The following NEK10 variants were observed in gnomAD, a reference collection of about 807,000 sequenced individuals.
NEK10 encodes the protein serine/threonine-protein kinase Nek10.
NEK10 carries 122 observed loss-of-function variants against 159.8 expected under a neutral mutation model. The ratio of observed to expected loss-of-function variants is 0.76; its 90% CI spans 0.66 to 0.89. The LOEUF is 0.89. Among genes scored for constraint, NEK10 ranks in the 40% least tolerant of loss-of-function variants. The pLI, the probability that NEK10 is intolerant of heterozygous loss-of-function variation, is 0.00. For missense variants in NEK10, 1,342 were observed against 1,323.1 expected, an observed-to-expected ratio of 1.01 and a Z score of -0.22; for synonymous variants, 466 against 457.1, an observed-to-expected ratio of 1.02 and a Z score of -0.25.
At position 27,304,853 on chromosome 3, in the gene NEK10, G is replaced by C. The variant is rs954429094; in HGVS notation, c.922C>G (p.Leu308Val). 8.7e-6 allele frequency: 14 copies of C among 1,613,602 alleles called. No homozygotes were observed. Among genetic ancestry groups the C allele is most frequent in the Middle Eastern group, 1.6e-4 (1 of 6,082 alleles). Residue 308 changes from leucine to valine, a missense_variant, in exon 12 of 36, where the codon CTC becomes GTC. Physicochemically the swap from Leu to Val is conservative, Grantham distance 32 (BLOSUM62 1). Coordinates refer to ENST00000691995, the MANE Select transcript of NEK10 (RefSeq NM_001394966.1). ...ACCAGAATCCAGACAATGCTCCAGA[G>C]GAGCTTCAAGTGGTCAGAGTGGAGC... The part of the protein sequence containing the change: ...SLLHSDHLKL[L>V]WSIVWILVQV...
At chr3:27,165,837 A>C (rs1197965268) in intron 29 of NEK10, among the ~76,000 whole-genome samples, 1 of 152,220 alleles carries the variant, frequency 6.6e-6, no homozygotes, top group Non-Finnish European at 1.5e-5. Context: ...AGTCAAGAGC[A>C]CGGTGAATTA....
intron 15 of NEK10, among the ~76,000 whole-genome samples, chr3:27,294,578 T>C (rs1311092410): frequency 6.6e-6 from 1 of 152,202 alleles, no homozygotes; most frequent in Non-Finnish European, 1.5e-5. Flanking sequence ...CAGTGTCATA[T>C]ATCTGTGATG....
chr3:27,250,708 T>C (rs1327956100), intron 23 of NEK10, among the ~76,000 whole-genome samples: 1 of 152,190 alleles, frequency 6.6e-6, no homozygotes, highest in Non-Finnish European at 1.5e-5. Flanking sequence ...GTAAATTTTT[T>C]TTTTCCTTCA....
chr3:27,291,454 C>T lies in NEK10; in HGVS notation c.1476+30G>A, dbSNP rs571548325. On this transcript the variant is annotated intron_variant, in intron 17 of 35. Transcript: ENST00000691995. ...AATTACATCCTGACTACATAGCAGC[C>T]TGCCAAAATATTGAAAACTCAGGAC... 6.6e-4 allele frequency: 1,055 copies of T among 1,601,822 alleles called. 19 individuals are homozygous for T. In the South Asian group the frequency reaches 0.011, roughly 17 times the overall value.
chr3:27,247,398 C>T (rs1955180946), intron 23 of NEK10, among the ~76,000 whole-genome samples: 2 of 152,028 alleles, frequency 1.3e-5, no homozygotes, highest in Non-Finnish European at 2.9e-5. Context: ...AGTTGTTGTC[C>T]TCCAGTCTGT....
intron 23 of NEK10, among the ~76,000 whole-genome samples, chr3:27,247,482 A>G (rs1955190356): frequency 6.6e-6 from 1 of 152,222 alleles, no homozygotes; most frequent in South Asian, 2.1e-4. Flanking sequence ...ATCATGAGGA[A>G]TAATCATTTT....
chr3:27,210,942 T>C (rs1176381028), intron 23 of NEK10, among the ~76,000 whole-genome samples: 2 of 152,224 alleles, frequency 1.3e-5, no homozygotes, highest in African/African-American at 2.4e-5. Flanking sequence ...CATTATTTGA[T>C]AGATTAATGC....
At chr3:27,261,169 C>G (rs1360965385) in intron 22 of NEK10, among the ~76,000 whole-genome samples, 3 of 152,108 alleles carry the variant, frequency 2.0e-5, no homozygotes, top group East Asian at 3.8e-4. Flanking sequence ...TTTCAAAATA[C>G]CAGCTCCTGG....
chr3:27,235,992 C>T (rs1029377026), intron 23 of NEK10, among the ~76,000 whole-genome samples: 2 of 152,122 alleles, frequency 1.3e-5, no homozygotes, highest in African/African-American at 4.8e-5. Flanking sequence ...AGATCATGTC[C>T]TTTGCAGGAA....
intron 22 of NEK10, among the ~76,000 whole-genome samples, chr3:27,272,129 C>A (rs537144846): frequency 6.6e-6 from 1 of 152,176 alleles, no homozygotes; most frequent in African/African-American, 2.4e-5. Flanking sequence ...AAGGTATTCC[C>A]AACCCTATCC....
At chr3:27,299,700 A>G (rs2043648824) in intron 13 of NEK10, among the ~76,000 whole-genome samples, 1 of 152,256 alleles carries the variant, frequency 6.6e-6, no homozygotes, top group African/African-American at 2.4e-5. Flanking sequence ...GGAGCTGCCC[A>G]AGATCATGGG....
At chr3:27,146,800 T>C (rs1456118995) in intron 30 of NEK10, among the ~76,000 whole-genome samples, 1 of 152,004 alleles carries the variant, frequency 6.6e-6, no homozygotes, top group African/African-American at 2.4e-5. Context: ...ATGTATTGGG[T>C]GTGAGGGAAG....
intron 30 of NEK10, among the ~76,000 whole-genome samples, chr3:27,158,278 AAAC>A: frequency 6.6e-6 from 1 of 152,180 alleles, no homozygotes; most frequent in Non-Finnish European, 1.5e-5. Flanking sequence ...GTTTTGACTA[AAAC>A]CTGTGAGCAA....
chr3:27,296,032 T>C (rs1475596752), intron 14 of NEK10, among the ~76,000 whole-genome samples: 1 of 152,158 alleles, frequency 6.6e-6, no homozygotes, highest in African/African-American at 2.4e-5. Context: ...TCTTTGATAT[T>C]TATTTATATC....
At chr3:27,269,239 T>C (rs2041142554) in intron 22 of NEK10, among the ~76,000 whole-genome samples, 1 of 152,212 alleles carries the variant, frequency 6.6e-6, no homozygotes, top group African/African-American at 2.4e-5. Flanking sequence ...TTAATTGACA[T>C]GGAGGCAGCA....
intron 1 of NEK10, among the ~76,000 whole-genome samples, chr3:27,363,046 G>T (rs1178627342): frequency 6.6e-6 from 1 of 152,182 alleles, no homozygotes; most frequent in Non-Finnish European, 1.5e-5. Flanking sequence ...GGTGCTGCGT[G>T]CAATTGGCGC....
Position 27,315,210 on chromosome 3 carries a change from T to C in NEK10, c.448-872A>G, listed in dbSNP as rs757649901. On this transcript the variant is annotated intron_variant, in intron 6 of 35. Transcript: ENST00000691995. Reference sequence around the variant, plus strand: ...GCCCACAAGGAAGTTATTTGAAACATAAACAAGAGCCATAATTTCAATTCT... The same window carrying C: ...GCCCACAAGGAAGTTATTTGAAACACAAACAAGAGCCATAATTTCAATTCT... Among the ~76,000 whole-genome samples the C allele has an allele frequency of 3.9e-5, 6 of 152,234 alleles. No homozygotes were observed. The South Asian group carries it at 1.2e-3, about 32-fold the overall frequency.
At chr3:27,183,213 A>T (rs1948297652) in intron 26 of NEK10, among the ~76,000 whole-genome samples, 1 of 152,016 alleles carries the variant, frequency 6.6e-6, no homozygotes, top group South Asian at 2.1e-4. Flanking sequence ...ATTATTATGT[A>T]CTCAAAATAA....
chr3:27,244,594 T>C (rs1575424505), intron 23 of NEK10, among the ~76,000 whole-genome samples: 2 of 152,146 alleles, frequency 1.3e-5, no homozygotes, highest in African/African-American at 4.8e-5. Context: ...GACTAACCAG[T>C]AGAGCCTATC....
Sources: gnomAD v4.1 joint callset for allele counts (sites outside exome capture counted in the v4.1 genomes callset) on GRCh38, gnomAD v4.1.1 for gene constraint, MANE v1.5 for transcripts, NCBI Gene and HGNC (gene_info 2026-07-23, HGNC 2026-07-21) for gene names.